The following SH3BGRL2 variants were observed in gnomAD, a reference collection of about 807,000 sequenced individuals.
SH3BGRL2 encodes the protein SH3 domain-binding glutamic acid-rich-like protein 2.
In SH3BGRL2, 21 loss-of-function variants were observed where a neutral mutation model predicts 14.8. The ratio of observed to expected loss-of-function variants is 1.42; its 90% confidence interval spans 1.01 to 2.05. SH3BGRL2 has a LOEUF of 2.05. Ranked by LOEUF, SH3BGRL2 falls within the 30% of genes most tolerant of loss-of-function variation. SH3BGRL2 has a pLI of 0.00. For missense variants in SH3BGRL2, 147 were observed against 130.8 expected (o/e 1.12, Z -0.61); for synonymous variants, 50 against 47.8 (o/e 1.05, Z -0.19).
At chr6:79,618,483 G>A in the SH3BGRL2 span, among the ~76,000 whole-genome samples, 3,220 of 152,222 alleles carry the variant, frequency 0.021, 53 homozygotes, top group Non-Finnish European at 0.033. Flanking sequence ...CGAGGCCGGC[G>A]GATCACGAGG....
At chr6:79,617,313 T>G in the SH3BGRL2 span, among the ~76,000 whole-genome samples, 1 of 152,226 alleles carries the variant, frequency 6.6e-6, no homozygotes, top group Non-Finnish European at 1.5e-5. Context: ...TCTGGATTTT[T>G]GAAATTAAGT....
chr6:79,575,735 T>C, the SH3BGRL2 span, among the ~76,000 whole-genome samples: 1 of 152,154 alleles, frequency 6.6e-6, no homozygotes. Flanking sequence ...AACTTTCATG[T>C]TACTCAACCC....
At chr6:79,585,122 T>G in the SH3BGRL2 span, among the ~76,000 whole-genome samples, 1 of 152,026 alleles carries the variant, frequency 6.6e-6, no homozygotes, top group Non-Finnish European at 1.5e-5. Context: ...CATCATATGA[T>G]TTATTATCCA....
the SH3BGRL2 span, among the ~76,000 whole-genome samples, chr6:79,596,859 C>A: frequency 4.6e-5 from 7 of 152,240 alleles, no homozygotes; most frequent in African/African-American, 1.7e-4. Context: ...AAATGGAAAT[C>A]TGGAAAATTC....
At chr6:79,603,283 A>G in the SH3BGRL2 span, among the ~76,000 whole-genome samples, 2 of 152,192 alleles carry the variant, frequency 1.3e-5, no homozygotes, top group African/African-American at 4.8e-5. Flanking sequence ...TGCAAGAACA[A>G]TTTCCCTTGA....
the SH3BGRL2 span, among the ~76,000 whole-genome samples, chr6:79,590,470 A>G: frequency 1.2e-5 from 1 of 85,304 alleles, no homozygotes; most frequent in Non-Finnish European, 2.3e-5. Flanking sequence ...TATATGCGCC[A>G]TGGAATACAG....
At chr6:79,585,552 C>G in the SH3BGRL2 span, among the ~76,000 whole-genome samples, 2 of 152,144 alleles carry the variant, frequency 1.3e-5, no homozygotes, top group Non-Finnish European at 2.9e-5. Flanking sequence ...CAATCACACT[C>G]ACACCCTTGC....
At chr6:79,631,740 A>G (rs1251581837) in intron 1 of SH3BGRL2, among the ~76,000 whole-genome samples, 1 of 152,200 alleles carries the variant, frequency 6.6e-6, no homozygotes, top group East Asian at 1.9e-4. Context: ...AAGGCAGACA[A>G]CGCGGCCTGA....
intron 1 of SH3BGRL2, among the ~76,000 whole-genome samples, chr6:79,661,610 G>T (rs1769549899): frequency 6.6e-6 from 1 of 152,160 alleles, no homozygotes; most frequent in South Asian, 2.1e-4. Context: ...ATATTCTGTT[G>T]ATTTGGGGTG....
chr6:79,591,125 T>C, the SH3BGRL2 span, among the ~76,000 whole-genome samples: 1 of 152,200 alleles, frequency 6.6e-6, no homozygotes, highest in Non-Finnish European at 1.5e-5. Flanking sequence ...GATAGTTCTA[T>C]ATTTTTAGTC....
the SH3BGRL2 span, among the ~76,000 whole-genome samples, chr6:79,622,155 C>G: frequency 6.6e-6 from 1 of 152,042 alleles, no homozygotes; most frequent in Non-Finnish European, 1.5e-5. Flanking sequence ...CAGATTTGAC[C>G]AAACCTGCAG....
the SH3BGRL2 span, among the ~76,000 whole-genome samples, chr6:79,621,010 A>G: frequency 5.3e-5 from 8 of 152,120 alleles, no homozygotes; most frequent in East Asian, 1.4e-3. Context: ...TGATTCTCCC[A>G]TCTTAGCCTC....
chr6:79,605,454 T>G, the SH3BGRL2 span, among the ~76,000 whole-genome samples: 1 of 152,236 alleles, frequency 6.6e-6, no homozygotes, highest in African/African-American at 2.4e-5. Flanking sequence ...TTCTTGAAGT[T>G]GCTTCAGGAA....
the SH3BGRL2 span, among the ~76,000 whole-genome samples, chr6:79,602,544 T>C: frequency 6.6e-6 from 1 of 152,204 alleles, no homozygotes; most frequent in South Asian, 2.1e-4. Context: ...TCCAGATTTG[T>C]AATTAATATG....
chr6:79,615,304 T>C, the SH3BGRL2 span, among the ~76,000 whole-genome samples: 2 of 152,196 alleles, frequency 1.3e-5, no homozygotes, highest in African/African-American at 4.8e-5. Flanking sequence ...ACCATAAGTT[T>C]ACAGCCTTGA....
At chr6:79,548,163 C>G in the SH3BGRL2 span, among the ~76,000 whole-genome samples, 1 of 152,110 alleles carries the variant, frequency 6.6e-6, no homozygotes, top group African/African-American at 2.4e-5. Flanking sequence ...GCCACCACTC[C>G]CAGCCATACG....
At chr6:79,650,395 A>G (rs1214004499) in intron 1 of SH3BGRL2, among the ~76,000 whole-genome samples, 3 of 152,186 alleles carry the variant, frequency 2.0e-5, no homozygotes, top group African/African-American at 4.8e-5. Context: ...GTGAGTCCAT[A>G]GAATGCAGGT....
intron 2 of SH3BGRL2, among the ~76,000 whole-genome samples, chr6:79,693,897 G>A (rs1443733721): frequency 6.6e-6 from 1 of 152,210 alleles, no homozygotes; most frequent in Non-Finnish European, 1.5e-5. Flanking sequence ...AGAGACCAAC[G>A]TGGAAAAATT....
chr6:79,620,422 A>G, the SH3BGRL2 span, among the ~76,000 whole-genome samples: 2 of 152,088 alleles, frequency 1.3e-5, no homozygotes, highest in Non-Finnish European at 2.9e-5. Context: ...TAGGCGCATG[A>G]TTATTGCCTG....
Sources: allele counts gnomAD v4.1 joint callset (sites outside exome capture counted in the v4.1 genomes callset), GRCh38; gene constraint gnomAD v4.1.1; transcripts MANE v1.5; gene names NCBI Gene and HGNC (gene_info 2026-07-23, HGNC 2026-07-21).